The following EBF2 variants were observed in gnomAD, a reference collection of about 807,000 sequenced individuals.
The protein encoded by EBF2 is transcription factor COE2.
In EBF2, 21 loss-of-function variants were observed where a neutral mutation model predicts 72.8. The observed-to-expected ratio is 0.29, with a 90% CI of 0.20 to 0.42. The LOEUF (loss-of-function observed/expected upper bound fraction) is 0.42. EBF2 is among the 10% of genes least tolerant of loss of function. EBF2 has a pLI of 1.00. For synonymous variants in EBF2, 299 were observed against 274.2 expected (o/e 1.09, Z -0.89); for missense variants, 637 against 731.2 (o/e 0.87, Z 1.49).
chr8:25,997,889 A>C lies in EBF2; in HGVS notation c.551+35196T>G, dbSNP rs569376204. ...TGGGTAAAAAAGCTAATTTTATAAT[A>C]ATAAAAAGAGCTAACATTAATAATA... On this transcript the variant is annotated intron_variant, in intron 6 of 15. Coordinates refer to ENST00000520164, the MANE Select transcript of EBF2 (RefSeq NM_022659.4). Among the ~76,000 whole-genome samples, 156 of 152,206 alleles carry C rather than the reference A, an allele frequency of 1.0e-3. 1 individual carries two copies. The highest frequency in any genetic ancestry group is 2.0e-3 in the Non-Finnish European group (136 of 68,030).
chr8:26,006,546 A>G (rs1200936297), intron 6 of EBF2, among the ~76,000 whole-genome samples: 1 of 152,152 alleles, frequency 6.6e-6, no homozygotes, highest in Non-Finnish European at 1.5e-5. Flanking sequence ...ATTATTCCTT[A>G]TGACTCTATA....
chr8:26,018,548 A>C (rs1371298662), intron 6 of EBF2, among the ~76,000 whole-genome samples: 10 of 150,270 alleles, frequency 6.7e-5, no homozygotes, highest in Non-Finnish European at 2.9e-5. Flanking sequence ...TCAGGCGTCT[A>C]TAGTCCCAGC....
chr8:25,941,298 C>G lies in EBF2; in HGVS notation c.552-32743G>C, dbSNP rs554243845. On this transcript the variant is annotated intron_variant, in intron 6 of 15. Coordinates refer to ENST00000520164, the MANE Select transcript of EBF2 (RefSeq NM_022659.4). ...TTGGTTCACTGCAACCTCCGCCTCC[C>G]GGGTTCAAGTGATTCTCCTGCCTCA... is the stretch of plus-strand genomic sequence containing the variant. Among the ~76,000 whole-genome samples, 5 of 152,058 alleles carry G rather than the reference C, an allele frequency of 3.3e-5. No individual in the cohort carries two copies. The South Asian group carries it at 1.0e-3, about 32-fold the overall frequency.
Position 26,004,573 on chromosome 8 carries a change from G to A in EBF2, c.551+28512C>T, listed in dbSNP as rs138717470. Reference sequence around the variant, plus strand: ...GCCTGTAGTCCCAGTTTCTTGAGAGGCTGAGGCACACGAATTGTTGGAACC... The same window carrying A: ...GCCTGTAGTCCCAGTTTCTTGAGAGACTGAGGCACACGAATTGTTGGAACC... On this transcript the variant is annotated intron_variant, in intron 6 of 15. Transcript: ENST00000520164. Among the ~76,000 whole-genome samples, 221 of 150,974 alleles carry A rather than the reference G, an allele frequency of 1.5e-3. 1 individual carries two copies. The highest frequency in any genetic ancestry group is 0.01 in the Middle Eastern group (3 of 292).
At chr8:25,973,662 CTGTTTTTCTTT>C (rs1269670297) in intron 6 of EBF2, among the ~76,000 whole-genome samples, 5 of 152,092 alleles carry the variant, frequency 3.3e-5, no homozygotes, top group South Asian at 2.1e-4. Context: ...TGAAGCTAGT[CTGTTTTTCTTT>C]TGTTTTTCTT....
chr8:25,858,345 C>A lies in EBF2; in HGVS notation c.1502G>T (p.Gly501Val), dbSNP rs1585261540. The A allele has an allele frequency of 5.6e-6, 9 of 1,613,986 alleles. No individual in the cohort carries two copies. Among genetic ancestry groups the A allele is most frequent in the Non-Finnish European group, 7.6e-6 (9 of 1,180,016 alleles). Reference sequence around the variant, plus strand: ...TCCATAAGGAGAGCCGGTGGGTGAGCCATTTAGAAATCCTGGTGAACCTGG... The same window carrying A: ...TCCATAAGGAGAGCCGGTGGGTGAGACATTTAGAAATCCTGGTGAACCTGG... Reference protein sequence around the residue: ...GVPGSPGFLNGSPTGSPYGIM... With the variant: ...GVPGSPGFLNVSPTGSPYGIM... Residue 501 changes from glycine (G) to valine (V), a missense_variant, in exon 14 of 16, where the codon GGC becomes GTC. Transcript: ENST00000520164.
In EBF2 at chr8:25,854,929, ACT is replaced by A. The variant is rs376607414; in HGVS notation, c.1528+3388_1528+3389del. 1.7e-4 allele frequency among the ~76,000 whole-genome samples: 26 copies of A among 152,140 alleles called. No individual in the cohort carries two copies. The East Asian group carries it at 4.6e-3, about 27-fold the overall frequency. On this transcript the variant is annotated intron_variant, in intron 14 of 15. Transcript: ENST00000520164. ...CCTGCCTGTATGGATTCTGTCCCAA[ACT>A]CTGCGTAGGCTTGGTGGCTATTCTG...
At chr8:25,884,245 T>G (rs1456886517) in intron 10 of EBF2, among the ~76,000 whole-genome samples, 7 of 152,054 alleles carry the variant, frequency 4.6e-5, no homozygotes, top group African/African-American at 1.7e-4. Flanking sequence ...ACCCTCTACC[T>G]GGGACAACCA....
At chr8:25,873,744 G>A (rs553084323) in intron 10 of EBF2, among the ~76,000 whole-genome samples, 41 of 152,282 alleles carry the variant, frequency 2.7e-4, no homozygotes, top group Non-Finnish European at 4.4e-4. Context: ...AATATACATG[G>A]TTAAGGAGAC....
At chr8:25,944,233 T>A in intron 6 of EBF2, among the ~76,000 whole-genome samples, 1 of 152,188 alleles carries the variant, frequency 6.6e-6, no homozygotes, top group Non-Finnish European at 1.5e-5. Flanking sequence ...AAGCTAGAAA[T>A]GAACTCATAT....
At position 26,042,077 on chromosome 8, in the gene EBF2, G is replaced by C. The variant is rs914024929; in HGVS notation, c.288+18C>G. 2 of 1,612,288 alleles carry C rather than the reference G, an allele frequency of 1.2e-6. No individual in the cohort carries two copies. Among genetic ancestry groups the C allele is most frequent in the African/African-American group, 1.3e-5 (1 of 74,890 alleles). On this transcript the variant is annotated intron_variant, in intron 2 of 15. Coordinates refer to ENST00000520164, the MANE Select transcript of EBF2 (RefSeq NM_022659.4). ...GGAGTTATTAGGCCGCGGGGTTTGG[G>C]GGGTACTTTCCGCTTACTTTGTCAT...
At chr8:26,023,202 T>C (rs1805232440) in intron 6 of EBF2, among the ~76,000 whole-genome samples, 1 of 152,168 alleles carries the variant, frequency 6.6e-6, no homozygotes, top group Non-Finnish European at 1.5e-5. Context: ...TTTGGATAAA[T>C]ATATAGTCTT....
chr8:25,913,152 A>T (rs1432780095), intron 6 of EBF2, among the ~76,000 whole-genome samples: 2 of 152,192 alleles, frequency 1.3e-5, no homozygotes, highest in African/African-American at 4.8e-5. Context: ...ATACAAAAGA[A>T]GTCCATAAGG....
intron 10 of EBF2, among the ~76,000 whole-genome samples, chr8:25,881,403 TC>T (rs1802603744): frequency 6.6e-6 from 1 of 152,184 alleles, no homozygotes; most frequent in Non-Finnish European, 1.5e-5. Flanking sequence ...ATCCTCCCCA[TC>T]AACTCAGTTT....
At chr8:25,924,890 A>C (rs1240693325) in intron 6 of EBF2, among the ~76,000 whole-genome samples, 1 of 152,234 alleles carries the variant, frequency 6.6e-6, no homozygotes, top group East Asian at 1.9e-4. Context: ...AAGTGCCTAT[A>C]TAGCTACAAC....
At chr8:25,854,458 T>A (rs1306736550) in intron 14 of EBF2, among the ~76,000 whole-genome samples, 1 of 152,184 alleles carries the variant, frequency 6.6e-6, no homozygotes, top group Admixed American at 6.5e-5. Flanking sequence ...TCATTGATCT[T>A]ATGGCAGAAT....
At chr8:25,954,800 G>C (rs1803916437) in intron 6 of EBF2, among the ~76,000 whole-genome samples, 1 of 152,130 alleles carries the variant, frequency 6.6e-6, no homozygotes, top group Non-Finnish European at 1.5e-5. Context: ...CTGGTTATTT[G>C]CTGCTATGGC....
At chr8:25,850,782 C>A (rs532863597) in intron 14 of EBF2, 21 bp from the exon 15 acceptor site, 2 of 1,545,532 alleles carry the variant, frequency 1.3e-6, no homozygotes, top group East Asian at 5.0e-5. Context: ...AATGCACAAT[C>A]CTCATTTAGA....
At chr8:25,984,581 C>T (rs1238074792) in intron 6 of EBF2, among the ~76,000 whole-genome samples, 1 of 151,948 alleles carries the variant, frequency 6.6e-6, no homozygotes, top group Non-Finnish European at 1.5e-5. Context: ...ACTCGGGAGG[C>T]TGAGACAGGA....
Sources: allele counts gnomAD v4.1 joint callset (sites outside exome capture counted in the v4.1 genomes callset), GRCh38; gene constraint gnomAD v4.1.1; transcripts MANE v1.5; gene names NCBI Gene and HGNC (gene_info 2026-07-23, HGNC 2026-07-21).